SMOC2: variants seen among roughly 807,000 people sequenced by gnomAD.
The protein encoded by SMOC2 is SPARC related modular calcium binding 2.
Under a neutral mutation model 61.4 loss-of-function variants are expected in SMOC2, and 39 were observed. That is an observed-to-expected ratio of 0.64 (90% confidence interval 0.49 to 0.83). The LOEUF (loss-of-function observed/expected upper bound fraction) is 0.83, where lower values mean the gene tolerates loss of function less well. SMOC2 is among the 40% of genes least tolerant of loss of function. SMOC2 has a pLI of 0.00. For synonymous variants in SMOC2, 247 were observed against 239.9 expected (o/e 1.03, Z -0.27); for missense variants, 556 against 592.9 (o/e 0.94, Z 0.65).
chr6:168,644,382 T>C (rs1464587476), intron 9 of SMOC2, among the ~76,000 whole-genome samples: 1 of 152,222 alleles, frequency 6.6e-6, no homozygotes, highest in Admixed American at 6.5e-5. Context: ...ATTTTATTTC[T>C]AGCTGTTTGT....
At chr6:168,532,957 A>C (rs1783646890) in intron 4 of SMOC2, among the ~76,000 whole-genome samples, 1 of 152,340 alleles carries the variant, frequency 6.6e-6, no homozygotes, top group South Asian at 2.1e-4. Flanking sequence ...GGGGAAGAAG[A>C]CATCTGTTTC....
At chr6:168,549,046 A>G in intron 6 of SMOC2, 83 bp from the exon 7 acceptor site, 3 of 1,037,882 alleles carry the variant, frequency 2.9e-6, no homozygotes, top group Non-Finnish European at 4.6e-6. Flanking sequence ...TGGCTGTTGG[A>G]CTACTTGCTG....
chr6:168,575,903 G>A (rs888684319), intron 7 of SMOC2, among the ~76,000 whole-genome samples: 1 of 151,062 alleles, frequency 6.6e-6, no homozygotes, highest in Admixed American at 6.6e-5. Context: ...TGACTTGGGT[G>A]CCCTCCCAAG....
rs554140677 is a variant in SMOC2, at chr6:168,644,014, G to A, written c.908-6667G>A. Reference sequence around the variant, plus strand: ...TTTGAAGAGTGCTGGAGGAAAATCTGCGCTTGGAATAAAACAAAGAAGCAC... The same window carrying A: ...TTTGAAGAGTGCTGGAGGAAAATCTACGCTTGGAATAAAACAAAGAAGCAC... On this transcript the variant is annotated intron_variant, in intron 9 of 12. Coordinates refer to ENST00000356284, the MANE Select transcript of SMOC2 (RefSeq NM_001166412.2). Among the ~76,000 whole-genome samples the A allele has an allele frequency of 3.5e-4, 54 of 152,352 alleles. No individual in the cohort carries two copies. The South Asian group carries it at 6.4e-3, about 18-fold the overall frequency.
At chr6:168,664,382 A>C in intron 12 of SMOC2, 1 of 302,570 alleles carries the variant, frequency 3.3e-6, no homozygotes, top group Non-Finnish European at 5.7e-6. Context: ...TGTTTGGTAG[A>C]TCTTTTTTTT....
chr6:168,481,479 C>G (rs1782205433), intron 1 of SMOC2, among the ~76,000 whole-genome samples: 1 of 151,846 alleles, frequency 6.6e-6, no homozygotes, highest in African/African-American at 2.4e-5. Context: ...AAATATAATC[C>G]TCATGGTAAC....
rs183407014 is a variant in SMOC2 at position 168,583,075 on chromosome 6, A to G, written c.638-15743A>G. Among the ~76,000 whole-genome samples, 853 of 152,340 alleles carry G rather than the reference A, an allele frequency of 5.6e-3. 4 individuals carry two copies. The highest frequency in any genetic ancestry group is 8.0e-3 in the Non-Finnish European group (546 of 68,024). ...TGTTTTGAACAGGAGGAGCCATGCT[A>G]CTTACTTAAGAAAAGTTACCATTGC... On this transcript the variant is annotated intron_variant, in intron 7 of 12. Transcript: ENST00000356284.
chr6:168,564,046 T>G (rs903585185), intron 7 of SMOC2, among the ~76,000 whole-genome samples: 2 of 152,216 alleles, frequency 1.3e-5, no homozygotes, highest in Admixed American at 6.5e-5. Flanking sequence ...TAAATTGTTT[T>G]ATCTTAAAAT....
At chr6:168,513,159 C>T (rs1239532354) in intron 2 of SMOC2, among the ~76,000 whole-genome samples, 2 of 152,160 alleles carry the variant, frequency 1.3e-5, no homozygotes, top group African/African-American at 2.4e-5. Context: ...AATAGCTGCT[C>T]CAGCTTTCTT....
rs141044449 is a variant in SMOC2, at chr6:168,603,798, C to T, written c.825-4359C>T. 2.2e-3 allele frequency among the ~76,000 whole-genome samples: 337 copies of T among 152,112 alleles called. 2 individuals are homozygous for T. Among genetic ancestry groups the T allele is most frequent in the Non-Finnish European group, 3.7e-3 (253 of 68,024 alleles). On this transcript the variant is annotated intron_variant, in intron 8 of 12. Transcript: ENST00000356284. ...TGGCAGGGGCGACTCCCTGAAATGC[C>T]GACATCAGAGTCAAGACCTCAAGAA...
chr6:168,603,429 C>T (rs965081217), intron 8 of SMOC2, among the ~76,000 whole-genome samples: 2 of 151,964 alleles, frequency 1.3e-5, no homozygotes, highest in Non-Finnish European at 2.9e-5. Flanking sequence ...CTCAGCTCCC[C>T]TGGGAAGCTG....
At chr6:168,481,696 A>T (rs1446307329) in intron 1 of SMOC2, among the ~76,000 whole-genome samples, 1 of 152,042 alleles carries the variant, frequency 6.6e-6, no homozygotes, top group Admixed American at 6.5e-5. Flanking sequence ...ATGTAAATAG[A>T]TTAATCTCTC....
chr6:168,492,347 A>G (rs1782488600), intron 1 of SMOC2, among the ~76,000 whole-genome samples: 1 of 152,180 alleles, frequency 6.6e-6, no homozygotes, highest in Non-Finnish European at 1.5e-5. Flanking sequence ...CATAGTTTTC[A>G]GTTCACCTTC....
intron 7 of SMOC2, among the ~76,000 whole-genome samples, chr6:168,565,276 G>C (rs983894113): frequency 3.3e-5 from 5 of 152,222 alleles, no homozygotes; most frequent in Admixed American, 6.5e-5. Context: ...TGAGCAGCAG[G>C]AATGCCTCCT....
At chr6:168,617,602 T>C (rs1182410315) in intron 9 of SMOC2, among the ~76,000 whole-genome samples, 1 of 152,210 alleles carries the variant, frequency 6.6e-6, no homozygotes, top group Non-Finnish European at 1.5e-5. Flanking sequence ...CTCCAAGCTC[T>C]CTTGCATCTC....
rs9364463 is a variant in SMOC2, at chr6:168,533,715, T to C, written c.463+5988T>C. 5.6e-3 allele frequency among the ~76,000 whole-genome samples: 851 copies of C among 152,332 alleles called. 10 individuals are homozygous for C. Among genetic ancestry groups the C allele is most frequent in the East Asian group, 0.031 (162 of 5,184 alleles). ...CTCCACCTCAAAACGGCTTTTTCTTTAGCCTTCGTAGGTCTTTTCTTGAAA... is the reference window on the plus strand; with the variant it reads ...CTCCACCTCAAAACGGCTTTTTCTTCAGCCTTCGTAGGTCTTTTCTTGAAA... On this transcript the variant is annotated intron_variant, in intron 4 of 12. Coordinates refer to ENST00000356284, the MANE Select transcript of SMOC2 (RefSeq NM_001166412.2).
chr6:168,552,886 C>T (rs1784161390), intron 7 of SMOC2, among the ~76,000 whole-genome samples: 1 of 149,772 alleles, frequency 6.7e-6, no homozygotes, highest in South Asian at 2.1e-4. Flanking sequence ...CGAGGGTGGC[C>T]CCTCACTGTC....
chr6:168,596,406 C>T (rs1350928283), intron 7 of SMOC2, among the ~76,000 whole-genome samples: 3 of 149,116 alleles, frequency 2.0e-5, no homozygotes, highest in Non-Finnish European at 4.4e-5. Context: ...CATGTGAACA[C>T]GGCAGTGATG....
chr6:168,525,019 G>A (rs1474926744), intron 2 of SMOC2, among the ~76,000 whole-genome samples: 2 of 152,248 alleles, frequency 1.3e-5, no homozygotes, highest in Non-Finnish European at 2.9e-5. Flanking sequence ...ATCTGAAGAC[G>A]GAAGTGAACA....
Sources: gnomAD v4.1 joint callset for allele counts (sites outside exome capture counted in the v4.1 genomes callset) on GRCh38, gnomAD v4.1.1 for gene constraint, MANE v1.5 for transcripts, NCBI Gene and HGNC (gene_info 2026-07-23, HGNC 2026-07-21) for gene names.